Variants in NT5M observed in about 807,000 individuals in gnomAD.
NT5M encodes the protein 5'(3')-deoxyribonucleotidase, mitochondrial.
A neutral mutation model predicts 22.2 loss-of-function variants in NT5M; 22 were observed. The observed-to-expected ratio is 0.99, with a 90% CI of 0.71 to 1.41. NT5M has a LOEUF of 1.41. Ranked by LOEUF, NT5M falls within the 40% of genes most tolerant of loss-of-function variation. NT5M has a pLI of 0.00. For synonymous variants in NT5M, 167 were observed against 133.0 expected, an observed-to-expected ratio of 1.26 and a Z score of -1.76; for missense variants, 322 against 314.8, an observed-to-expected ratio of 1.02 and a Z score of -0.17.
intron 2 of NT5M, among the ~76,000 whole-genome samples, chr17:17,321,159 C>T (rs2049143704): frequency 6.6e-6 from 1 of 150,566 alleles, no homozygotes; most frequent in African/African-American, 2.4e-5. Flanking sequence ...AGCAAGCGGG[C>T]ATTCGGGAGG....
chr17:17,322,048 C>G (rs2049162454), intron 2 of NT5M, among the ~76,000 whole-genome samples: 1 of 151,790 alleles, frequency 6.6e-6, no homozygotes, highest in Admixed American at 6.6e-5. Flanking sequence ...AACTGAGCGA[C>G]AAGGTGTTGG....
intron 1 of NT5M, 146 bp from the exon 2 acceptor site, chr17:17,306,397 C>T (rs1757888142): frequency 1.5e-6 from 1 of 685,048 alleles, no homozygotes. Context: ...TCCGCACTAC[C>T]CCCAGGAAGT....
chr17:17,340,618 C>G (rs936002044), intron 3 of NT5M, among the ~76,000 whole-genome samples: 3 of 152,034 alleles, frequency 2.0e-5, no homozygotes, highest in Non-Finnish European at 4.4e-5. Context: ...CCTCTGCCTC[C>G]TGGGTTCAAG....
At chr17:17,341,878 G>C (rs73284407) in intron 3 of NT5M, among the ~76,000 whole-genome samples, 3,505 of 152,042 alleles carry the variant, frequency 0.023, 141 homozygotes, top group African/African-American at 0.08. Context: ...AAAATACAAA[G>C]AACTTAGCCA....
At chr17:17,315,949 G>A (rs938553211) in intron 2 of NT5M, among the ~76,000 whole-genome samples, 1 of 150,968 alleles carries the variant, frequency 6.6e-6, no homozygotes, top group African/African-American at 2.4e-5. Flanking sequence ...TAGAGATGGC[G>A]TTTCACTGTG....
Position 17,303,793 on chromosome 17 carries a change from C to G in NT5M, c.243C>G (p.Tyr81Ter), listed in dbSNP as rs1397747763. The G allele has an allele frequency of 1.8e-5, 28 of 1,541,992 alleles. No homozygotes were observed. Among genetic ancestry groups the G allele is most frequent in the Non-Finnish European group, 2.3e-5 (26 of 1,142,712 alleles). Residue 81 changes from tyrosine (Y) to a stop codon, truncating the protein, a stop_gained, in exon 1 of 5, where the codon TAC (tyrosine) becomes TAG (stop). Coordinates refer to ENST00000389022, the MANE Select transcript of NT5M (RefSeq NM_020201.4). LOFTEE classifies it high-confidence loss of function. ...DRRGFWVSEQ[Y>*]GRLRPGLSEK... ...GCGGCTTCTGGGTGTCGGAGCAGTA[C>G]GGCCGCCTGCGGCCAGGGCTGAGCG...
intron 3 of NT5M, among the ~76,000 whole-genome samples, chr17:17,332,700 A>G (rs2049412821): frequency 6.6e-6 from 1 of 152,044 alleles, no homozygotes; most frequent in African/African-American, 2.4e-5. Flanking sequence ...AACCTAACAG[A>G]CCCTTGTCAG....
intron 2 of NT5M, among the ~76,000 whole-genome samples, chr17:17,318,624 A>C (rs1448992275): frequency 6.6e-6 from 1 of 151,430 alleles, no homozygotes; most frequent in African/African-American, 2.4e-5. Flanking sequence ...TGTCTCTACT[A>C]AAAATACAAA....
chr17:17,315,308 C>T (rs1375962678), intron 2 of NT5M, among the ~76,000 whole-genome samples: 1 of 152,134 alleles, frequency 6.6e-6, no homozygotes, highest in Non-Finnish European at 1.5e-5. Flanking sequence ...ACTGTGCTAG[C>T]ACTGGGGATA....
chr17:17,308,377 A>C (rs1468980156), intron 2 of NT5M, among the ~76,000 whole-genome samples: 1 of 152,064 alleles, frequency 6.6e-6, no homozygotes, highest in Non-Finnish European at 1.5e-5. Context: ...GCGGATCAAG[A>C]GGTCAGGAGT....
chr17:17,303,930 C>T (rs2048737173), intron 1 of NT5M, 113 bp downstream of exon 1: 1 of 1,317,824 alleles, frequency 7.6e-7, no homozygotes, highest in Non-Finnish European at 9.7e-7. Context: ...GGGTGGCCCT[C>T]TGATAGAATA....
At chr17:17,329,813 TA>T (rs1012558804) in intron 3 of NT5M, among the ~76,000 whole-genome samples, 1 of 150,428 alleles carries the variant, frequency 6.6e-6, no homozygotes, top group Non-Finnish European at 1.5e-5. Context: ...CCATCTGTAC[TA>T]AAAAAAAATT....
chr17:17,310,330 G>A (rs1429852289), intron 2 of NT5M, among the ~76,000 whole-genome samples: 1 of 151,892 alleles, frequency 6.6e-6, no homozygotes, highest in Non-Finnish European at 1.5e-5. Context: ...GATCACTTGA[G>A]GCCAGCAGTT....
chr17:17,308,322 C>T (rs1017532660), intron 2 of NT5M, among the ~76,000 whole-genome samples: 5 of 152,042 alleles, frequency 3.3e-5, no homozygotes, highest in African/African-American at 4.8e-5. Flanking sequence ...AGCTGGGCGC[C>T]GTGGCTCATG....
chr17:17,331,980 G>C (rs1446144504), intron 3 of NT5M, among the ~76,000 whole-genome samples: 1 of 149,258 alleles, frequency 6.7e-6, no homozygotes, highest in Admixed American at 6.6e-5. Context: ...CAGGGTTTCA[G>C]TGTGTTGGCC....
At chr17:17,321,063 G>A (rs1009076897) in intron 2 of NT5M, among the ~76,000 whole-genome samples, 1 of 152,134 alleles carries the variant, frequency 6.6e-6, no homozygotes, top group Non-Finnish European at 1.5e-5. Flanking sequence ...GGGAGCAGCT[G>A]GAATGTGGGG....
chr17:17,303,459 G>T lies in NT5M; in HGVS notation c.-92G>T, dbSNP rs2048722992. 2 of 1,004,346 alleles carry T rather than the reference G, an allele frequency of 2.0e-6. No individual in the cohort carries two copies. Among genetic ancestry groups the T allele is most frequent in the Middle Eastern group, 5.0e-4 (1 of 2,002 alleles). 62.2% of individuals were successfully genotyped at this position (1,004,346 alleles called of 1,614,324 possible). The stretch of plus-strand genomic sequence containing the variant: ...GCTCCACGCGCGCCCCAGCGTTGGG[G>T]GCTTCTCCTCCGCGGCGGGAATGTC... On this transcript the variant is annotated 5_prime_UTR_variant, in exon 1 of 5. Transcript: ENST00000389022.
Position 17,314,527 on chromosome 17 carries a change from A to G in NT5M, c.368+7884A>G, listed in dbSNP as rs147821705. The stretch of plus-strand genomic sequence containing the variant: ...ATAGATTTACAAATTGATATGCTCC[A>G]CCCAGCAGTCAGAGTGATATTTTTT... On this transcript the variant is annotated intron_variant, in intron 2 of 4. Transcript: ENST00000389022. Among the ~76,000 whole-genome samples, 16 of 152,170 alleles carry G rather than the reference A, an allele frequency of 1.1e-4. No homozygotes were observed. The East Asian group carries it at 3.1e-3, about 29-fold the overall frequency.
intron 3 of NT5M, among the ~76,000 whole-genome samples, chr17:17,336,357 C>G (rs1045022031): frequency 7.9e-5 from 12 of 152,008 alleles, no homozygotes; most frequent in African/African-American, 2.9e-4. Context: ...TCTAGATACT[C>G]CTCCACTCCC....
Sources: gnomAD v4.1 joint callset for allele counts (sites outside exome capture counted in the v4.1 genomes callset) on GRCh38, gnomAD v4.1.1 for gene constraint, MANE v1.5 for transcripts, NCBI Gene and HGNC (gene_info 2026-07-23, HGNC 2026-07-21) for gene names.